Variants in PFN4 observed in about 807,000 individuals in gnomAD.
PFN4 encodes the protein profilin-4.
Under a neutral mutation model 16.3 loss-of-function variants are expected in PFN4, and 10 were observed. The ratio of observed to expected loss-of-function variants is 0.61; its 90% CI spans 0.38 to 1.04. PFN4 has a LOEUF of 1.04. Among genes scored for constraint, PFN4 ranks in the 50% least tolerant of loss-of-function variants. PFN4 has a pLI of 0.01. For synonymous variants in PFN4, 54 were observed against 56.9 expected, an observed-to-expected ratio of 0.95 and a Z score of 0.23; for missense variants, 136 against 153.6, an observed-to-expected ratio of 0.89 and a Z score of 0.61.
chr2:24,118,506 AAAG>A (rs1222051580), intron 4 of PFN4, among the ~76,000 whole-genome samples: 1 of 152,234 alleles, frequency 6.6e-6, no homozygotes, highest in Non-Finnish European at 1.5e-5. Flanking sequence ...TAATGGAGAA[AAAG>A]AAGGATTAAG....
chr2:24,115,522 C>T lies in PFN4; in HGVS notation c.*61G>A. 3 of 1,461,738 alleles carry T rather than the reference C, an allele frequency of 2.1e-6. No homozygotes were observed. The highest frequency in any genetic ancestry group is 2.8e-5 in the African/African-American group (2 of 71,166). 90.5% of individuals were successfully genotyped at this position (1,461,738 alleles called of 1,614,324 possible). ...TTTTTTCAACCATAAAATATTTTTT[C>T]TTTAGGCTCTTCAATTTTCTTCTAA... On this transcript the variant is annotated 3_prime_UTR_variant, in exon 5 of 5. Transcript: ENST00000313213.
chr2:24,116,011 A>G (rs1665905862), intron 4 of PFN4, among the ~76,000 whole-genome samples: 1 of 152,000 alleles, frequency 6.6e-6, no homozygotes, highest in Admixed American at 6.5e-5. Flanking sequence ...CTCCTCTCCT[A>G]TATGTATTCT....
At chr2:24,122,387 C>A (rs762310822) in intron 2 of PFN4, 32 bp downstream of exon 2, 11 of 1,425,422 alleles carry the variant, frequency 7.7e-6, no homozygotes, top group East Asian at 2.3e-5. Flanking sequence ...ATAAGTAAAT[C>A]AAGTCTTAGG....
chr2:24,118,766 T>C (rs1312746352), intron 4 of PFN4, among the ~76,000 whole-genome samples: 1 of 152,184 alleles, frequency 6.6e-6, no homozygotes, highest in East Asian at 1.9e-4. Flanking sequence ...CTTAACCAGC[T>C]CTGCTTCCCT....
intron 1 of PFN4, 196 bp downstream of exon 1, chr2:24,122,922 A>T (rs1666167126): frequency 6.2e-6 from 1 of 162,296 alleles, no homozygotes; most frequent in South Asian, 1.9e-4. Context: ...CAGGATGGAG[A>T]GCTACCCTGC....
chr2:24,120,089 T>C (rs546769935), intron 3 of PFN4, among the ~76,000 whole-genome samples: 42 of 152,118 alleles, frequency 2.8e-4, no homozygotes, highest in Admixed American at 1.1e-3. Flanking sequence ...GCCAACATGG[T>C]GAAACCCCAT....
At position 24,119,584 on chromosome 2, in the gene PFN4, C is replaced by G. The variant is rs143760165; in HGVS notation, c.354G>C (p.Glu118Asp). The change falls in exon 4 of 5, where the codon GAG (glutamate) becomes GAC (aspartate). Residue 118 changes from glutamate (E) to aspartate (D), a missense_variant. Coordinates refer to ENST00000313213, the MANE Select transcript of PFN4 (RefSeq NM_199346.3). ...ACTAGGAGGCCAACTTACCCAGGCT[C>G]TCTGTGGCTTCCACACAGATGCTAG... is the stretch of plus-strand genomic sequence containing the variant. ...MYPSICVEAT[E>D]SLGDYLRKKG... 1.9e-5 allele frequency: 31 copies of G among 1,613,160 alleles called. 1 individual carries two copies. The South Asian group carries it at 3.2e-4, about 17-fold the overall frequency.
chr2:24,121,973 G>A (rs907301716), intron 2 of PFN4, among the ~76,000 whole-genome samples: 1 of 152,138 alleles, frequency 6.6e-6, no homozygotes, highest in South Asian at 2.1e-4. Context: ...TATATCAACA[G>A]TAAAAAGACT....
intron 3 of PFN4, among the ~76,000 whole-genome samples, chr2:24,120,007 G>A (rs1159063873): frequency 2.0e-5 from 3 of 152,050 alleles, no homozygotes; most frequent in Non-Finnish European, 2.9e-5. Context: ...AGTGGCTCCC[G>A]CCTGTAATCC....
At position 24,117,809 on chromosome 2, in the gene PFN4, T is replaced by A. The variant is rs1665971463; in HGVS notation, c.361+1768A>T. On this transcript the variant is annotated intron_variant, in intron 4 of 4. Transcript: ENST00000313213. Reference sequence around the variant, plus strand: ...TAATTTTTTAGATAGAGAAAAATATTTTTTTAAAAAGGAGTAAAGGAAACA... The same window carrying A: ...TAATTTTTTAGATAGAGAAAAATATATTTTTAAAAAGGAGTAAAGGAAACA... Among the ~76,000 whole-genome samples, 4 of 152,180 alleles carry A rather than the reference T, an allele frequency of 2.6e-5. No individual in the cohort carries two copies. The South Asian group carries it at 6.2e-4, about 24-fold the overall frequency.
rs1166467274 is a variant in PFN4 at position 24,121,174 on chromosome 2, A to G, written c.244T>C (p.Tyr82His). Residue 82 changes from tyrosine (Y) to histidine (H), a missense_variant, in exon 3 of 5, where the codon TAT becomes CAT. Tyr to His is a moderately conservative substitution (Grantham distance 83). Coordinates refer to ENST00000313213, the MANE Select transcript of PFN4 (RefSeq NM_199346.3). ...RCVRADEYSL[Y>H]AKNENTGVVV... Reference sequence around the variant, plus strand: ...TCTTGAGCACTCACATTTTTGGCATAAAGAGAATATTCATCTGCCCGGACA... The same window carrying G: ...TCTTGAGCACTCACATTTTTGGCATGAAGAGAATATTCATCTGCCCGGACA... 1 of 1,613,992 alleles carries G rather than the reference A, an allele frequency of 6.2e-7. No homozygotes were observed. Among genetic ancestry groups the G allele is most frequent in the Non-Finnish European group, 8.5e-7 (1 of 1,179,956 alleles).
chr2:24,120,268 CAA>C (rs58841450), intron 3 of PFN4, among the ~76,000 whole-genome samples: 12 of 118,272 alleles, frequency 1.0e-4, no homozygotes, highest in South Asian at 9.6e-4. Flanking sequence ...AAACTCGTCT[CAA>C]AAAAAAAAAC....
Position 24,115,571 on chromosome 2 carries a change from G to A in PFN4, c.*12C>T. ...AAAATAATAAAATTGTCTTTCATGGGCCTCTGATGACTTAACTTCCTTTTT... is the reference window on the plus strand; with the variant it reads ...AAAATAATAAAATTGTCTTTCATGGACCTCTGATGACTTAACTTCCTTTTT... On this transcript the variant is annotated 3_prime_UTR_variant, in exon 5 of 5. Coordinates refer to ENST00000313213, the MANE Select transcript of PFN4 (RefSeq NM_199346.3). 1 of 1,607,982 alleles carries A rather than the reference G, an allele frequency of 6.2e-7. No individual in the cohort carries two copies. Among genetic ancestry groups the A allele is most frequent in the Non-Finnish European group, 8.5e-7 (1 of 1,176,672 alleles).
intron 4 of PFN4, among the ~76,000 whole-genome samples, chr2:24,118,567 C>G (rs1419028175): frequency 1.3e-5 from 2 of 152,096 alleles, no homozygotes; most frequent in African/African-American, 2.4e-5. Flanking sequence ...AAACAAAGAA[C>G]TGTAATGGGG....
rs547538209 is a variant in PFN4 at position 24,115,262 on chromosome 2, C to A, written c.*321G>T. 1 of 279,012 alleles carries A rather than the reference C, an allele frequency of 3.6e-6. No individual in the cohort carries two copies. The highest frequency in any genetic ancestry group is 6.9e-6 in the Non-Finnish European group (1 of 144,940). The allele number at this position is 279,012 out of a possible 1,614,324, so 17.3% of individuals were successfully genotyped here. On this transcript the variant is annotated 3_prime_UTR_variant, in exon 5 of 5. Coordinates refer to ENST00000313213, the MANE Select transcript of PFN4 (RefSeq NM_199346.3). ...TGTCTTGGATAAAGAGTGGTGAGAG[C>A]CTTGCATTCTTGGCATACTTAGCAA...
chr2:24,119,685 G>A lies in PFN4; in HGVS notation c.256-3C>T, dbSNP rs199880427. 249 of 1,601,304 alleles carry A rather than the reference G, an allele frequency of 1.6e-4. No homozygotes were observed. The highest frequency in any genetic ancestry group is 2.2e-4 in the Admixed American group (13 of 59,858). The stretch of plus-strand genomic sequence containing the variant: ...ACGACAACCACACCAGTGTTCTCCT[G>A]TATAAAGAATATAAGAGAATATTCT... On this transcript the variant is annotated splice_polypyrimidine_tract_variant and splice_region_variant and intron_variant, in intron 3 of 4. Coordinates refer to ENST00000313213, the MANE Select transcript of PFN4 (RefSeq NM_199346.3).
intron 1 of PFN4, 134 bp from the exon 2 acceptor site, chr2:24,122,681 C>T: frequency 1.7e-6 from 1 of 599,064 alleles, no homozygotes; most frequent in South Asian, 2.4e-5. Flanking sequence ...AGGGTGAAAA[C>T]GGTGGTCCAT....
At chr2:24,122,359 T>C in intron 2 of PFN4, 60 bp downstream of exon 2, 2 of 1,282,238 alleles carry the variant, frequency 1.6e-6, no homozygotes, top group Non-Finnish European at 2.2e-6. Flanking sequence ...TGCTTCATTT[T>C]TTGGAAGAAT....
intron 4 of PFN4, among the ~76,000 whole-genome samples, chr2:24,117,683 T>G (rs1345516828): frequency 1.3e-5 from 2 of 152,214 alleles, no homozygotes; most frequent in African/African-American, 4.8e-5. Flanking sequence ...CCTCAAGTGA[T>G]ACACCTGCCT....
Sources: gnomAD v4.1 joint callset for allele counts (sites outside exome capture counted in the v4.1 genomes callset) on GRCh38, gnomAD v4.1.1 for gene constraint, MANE v1.5 for transcripts, NCBI Gene and HGNC (gene_info 2026-07-23, HGNC 2026-07-21) for gene names.